Variants in FOXM1 observed in about 807,000 individuals in gnomAD.
The protein encoded by FOXM1 is forkhead box protein M1.
A neutral mutation model predicts 63.6 loss-of-function variants in FOXM1; 25 were observed. The observed-to-expected ratio is 0.39, with a 90% CI of 0.29 to 0.55. The LOEUF (loss-of-function observed/expected upper bound fraction) is 0.55. FOXM1 is among the 20% of genes least tolerant of loss of function. FOXM1 has a pLI of 0.60. For missense variants in FOXM1, 879 were observed against 958.7 expected (o/e 0.92, Z 1.10); for synonymous variants, 387 against 376.9 (o/e 1.03, Z -0.31).
In FOXM1 at chr12:2,863,409, G is replaced by C. The variant is rs1161795149; in HGVS notation, c.1266+911C>G. Among the ~76,000 whole-genome samples the C allele has an allele frequency of 2.0e-5, 3 of 151,780 alleles. No homozygotes were observed. The East Asian group carries it at 5.8e-4, about 29-fold the overall frequency. ...ATCTACTTTTTTTCTTTTCTTTTTT[G>C]AGACAGGGCCTCACTGTTGCCCAGG... On this transcript the variant is annotated intron_variant, in intron 8 of 8. Coordinates refer to ENST00000359843, the MANE Select transcript of FOXM1 (RefSeq NM_021953.4).
intron 8 of FOXM1, among the ~76,000 whole-genome samples, chr12:2,862,795 G>A (rs981926983): frequency 6.6e-5 from 10 of 151,744 alleles, no homozygotes; most frequent in Admixed American, 2.6e-4. Flanking sequence ...TCCTGCCTTG[G>A]CCTCCCAAAA....
At position 2,872,673 on chromosome 12, in the gene FOXM1, C is replaced by T. The variant is rs532029599; in HGVS notation, c.503-426G>A. On this transcript the variant is annotated intron_variant, in intron 2 of 8. Transcript: ENST00000359843. This position sits in a 1 kb window ranked among gnomAD's most constrained non-coding sequence, Gnocchi z 4.0. ...TGTCCAAGACCTCTGCCTTTAGGGA[C>T]GGAGAACACATGCTGAATCTATTGT... 9.5e-4 allele frequency among the ~76,000 whole-genome samples: 144 copies of T among 152,188 alleles called. No individual in the cohort carries two copies. Among genetic ancestry groups the T allele is most frequent in the African/African-American group, 3.1e-3 (128 of 41,542 alleles).
At chr12:2,859,883 G>A (rs2153931958) in intron 8 of FOXM1, 1 of 538,470 alleles carries the variant, frequency 1.9e-6, no homozygotes. Flanking sequence ...CATCCGAGAG[G>A]AAATAAAATT....
intron 8 of FOXM1, chr12:2,863,952 G>GC (rs570745172): frequency 5.8e-6 from 1 of 171,574 alleles, no homozygotes; most frequent in East Asian, 1.6e-4. Context: ...TGATCCACCT[G>GC]CCTTGGCCTC....
intron 2 of FOXM1, among the ~76,000 whole-genome samples, chr12:2,873,398 CAAAAAAA>C (rs1189846694): frequency 1.7e-5 from 1 of 57,950 alleles, no homozygotes; most frequent in Non-Finnish European, 4.0e-5. Flanking sequence ...GACTCCATCT[CAAAAAAA>C]AAAAAAAAAA....
intron 3 of FOXM1, among the ~76,000 whole-genome samples, chr12:2,870,073 C>T (rs2098130337): frequency 6.6e-6 from 1 of 151,288 alleles, no homozygotes; most frequent in Admixed American, 6.6e-5. Flanking sequence ...TCACCGCAAG[C>T]TCTGCCTCCT....
In FOXM1 at chr12:2,873,964, G is replaced by C. The variant is rs747308962; in HGVS notation, c.502+13C>G. 64 of 1,600,606 alleles carry C rather than the reference G, an allele frequency of 4.0e-5. 2 individuals carry two copies. The South Asian group carries it at 6.9e-4, about 17-fold the overall frequency. On this transcript the variant is annotated intron_variant, in intron 2 of 8. Transcript: ENST00000359843. The stretch of plus-strand genomic sequence containing the variant: ...CTGGGCTCCCTCACCCCTTTCCCTG[G>C]AAGACCACATACCACAGGTCTCCCG...
chr12:2,871,384 C>T (rs55731632), intron 3 of FOXM1, among the ~76,000 whole-genome samples: 7,878 of 152,210 alleles, frequency 0.052, 672 homozygotes, highest in African/African-American at 0.18. Flanking sequence ...TGGTGGTTCA[C>T]GCCTGTAATC....
chr12:2,861,664 C>CTA (rs1448222113), intron 8 of FOXM1, among the ~76,000 whole-genome samples: 2 of 152,096 alleles, frequency 1.3e-5, no homozygotes, highest in Non-Finnish European at 2.9e-5. Context: ...GGACTCTATC[C>CTA]TAGAGAAATG....
chr12:2,873,003 G>C (rs191748796), intron 2 of FOXM1, among the ~76,000 whole-genome samples: 1 of 152,088 alleles, frequency 6.6e-6, no homozygotes, highest in Non-Finnish European at 1.5e-5. Context: ...AGAGTGAGCC[G>C]TGATTGCGCC....
At chr12:2,861,289 T>C (rs748671824) in intron 8 of FOXM1, 2 of 727,280 alleles carry the variant, frequency 2.7e-6, no homozygotes, top group East Asian at 2.7e-5. Flanking sequence ...GACAAGGTGC[T>C]CAGACTTACT....
intron 5 of FOXM1, among the ~76,000 whole-genome samples, chr12:2,865,865 C>G (rs1435513354): frequency 6.6e-6 from 1 of 152,004 alleles, no homozygotes; most frequent in Middle Eastern, 3.2e-3. Flanking sequence ...GTTGGTCAGG[C>G]TGGTCTCCAA....
intron 3 of FOXM1, among the ~76,000 whole-genome samples, chr12:2,870,876 T>G (rs983093052): frequency 2.7e-5 from 4 of 148,906 alleles, no homozygotes; most frequent in African/African-American, 5.0e-5. Context: ...GGAGAATCAC[T>G]TGACCTGGGA....
At chr12:2,873,586 A>ATTT (rs111264091) in intron 2 of FOXM1, among the ~76,000 whole-genome samples, 2 of 144,242 alleles carry the variant, frequency 1.4e-5, no homozygotes, top group African/African-American at 5.1e-5. Context: ...TTTCATTTTT[A>ATTT]TTTTTTTTTT....
intron 3 of FOXM1, among the ~76,000 whole-genome samples, chr12:2,871,585 G>A (rs1288571972): frequency 2.6e-5 from 4 of 152,018 alleles, no homozygotes; most frequent in East Asian, 3.9e-4. Context: ...CCTGGAGGTC[G>A]AGGCTGCAGA....
intron 3 of FOXM1, among the ~76,000 whole-genome samples, chr12:2,871,664 T>A (rs12319562): frequency 0.36 from 51,563 of 145,076 alleles, 9,542 homozygotes; most frequent in African/African-American, 0.57. Flanking sequence ...AAAAAAAAAA[T>A]ATATATACGT....
chr12:2,867,749 G>T (rs971466519), intron 4 of FOXM1, among the ~76,000 whole-genome samples: 2 of 151,548 alleles, frequency 1.3e-5, no homozygotes, highest in African/African-American at 4.8e-5. Flanking sequence ...GTCGAGACGG[G>T]TGGATCATTT....
At chr12:2,862,756 G>C (rs1181307825) in intron 8 of FOXM1, among the ~76,000 whole-genome samples, 1 of 151,268 alleles carries the variant, frequency 6.6e-6, no homozygotes, top group Non-Finnish European at 1.5e-5. Context: ...TGCCCAGGCT[G>C]GTCTTGAACT....
chr12:2,859,578 G>A lies in FOXM1; in HGVS notation c.1352C>T (p.Ser451Phe), dbSNP rs761830266. 3.1e-6 allele frequency: 5 copies of A among 1,613,822 alleles called. No homozygotes were observed. Among genetic ancestry groups the A allele is most frequent in the Non-Finnish European group, 4.2e-6 (5 of 1,179,984 alleles). ...EEKLLFGEGF[S>F]PLLPVQTIKE... Reference sequence around the variant, plus strand: ...GATAGTCTGAACTGGAAGCAAAGGAGAAAACCCTTCTCCAAACAGGAGTTT... The same window carrying A: ...GATAGTCTGAACTGGAAGCAAAGGAAAAAACCCTTCTCCAAACAGGAGTTT... The change falls in exon 9 of 9, where the codon TCT becomes TTT. Residue 451 changes from serine (S) to phenylalanine (F), a missense_variant. Physicochemically the swap from Ser to Phe is radical, Grantham distance 155 (BLOSUM62 -2). This residue lies in a region of FOXM1 where 486 missense variants were observed against 453.5 expected (regional missense o/e 1.07). Transcript: ENST00000359843.
Sources: allele counts gnomAD v4.1 joint callset (sites outside exome capture counted in the v4.1 genomes callset), GRCh38; gene constraint gnomAD v4.1.1; regional missense constraint gnomAD v4.1.1; non-coding constraint Gnocchi (gnomAD v3.1); transcripts MANE v1.5; gene names NCBI Gene and HGNC (gene_info 2026-07-23, HGNC 2026-07-21).